NTM: variants seen among roughly 807,000 people sequenced by gnomAD.
NTM encodes IgLON family member 2.
A neutral mutation model predicts 42.1 loss-of-function variants in NTM; 13 were observed. The ratio of observed to expected loss-of-function variants is 0.31; its 90% CI spans 0.20 to 0.49. The LOEUF is 0.49. Ranked by LOEUF, NTM falls within the 20% of genes least tolerant of loss-of-function variation. The pLI is 0.99. For missense variants in NTM, 373 were observed against 452.8 expected (o/e 0.82, Z 1.60); for synonymous variants, 187 against 179.2 (o/e 1.04, Z -0.35).
chr11:131,535,038 C>T (rs930331126), intron 1 of NTM: 2 of 152,162 alleles, frequency 1.3e-5, no homozygotes, highest in Non-Finnish European at 2.9e-5. Flanking sequence ...TTGAGTTTGC[C>T]TCTCAGGTCC....
chr11:131,977,459 C>T (rs779081100), intron 2 of NTM, among the ~76,000 whole-genome samples: 18 of 152,224 alleles, frequency 1.2e-4, no homozygotes, highest in Admixed American at 1.2e-3. Context: ...CAGGCGCATA[C>T]CTCTTCCTCA....
rs1282037956 is a variant in NTM at position 132,324,587 on chromosome 11, G to T, written c.935-5566G>T. On this transcript the variant is annotated intron_variant, in intron 7 of 8. Transcript: ENST00000683400. Reference sequence around the variant, plus strand: ...AGGAAGAATCAATATCGTGAAAATGGCCATACTGCCCAAGGTAATTTACAG... The same window carrying T: ...AGGAAGAATCAATATCGTGAAAATGTCCATACTGCCCAAGGTAATTTACAG... 2.8e-3 allele frequency among the ~76,000 whole-genome samples: 416 copies of T among 149,346 alleles called. 2 individuals carry two copies. The highest frequency in any genetic ancestry group is 9.8e-3 in the African/African-American group (393 of 40,048).
At chr11:132,069,016 G>C (rs898877914) in intron 2 of NTM, among the ~76,000 whole-genome samples, 2 of 152,316 alleles carry the variant, frequency 1.3e-5, no homozygotes, top group South Asian at 2.1e-4. Flanking sequence ...TGACTAACTG[G>C]GCATTGCAGC....
chr11:132,268,668 C>CTGTGTGTGTGTGTGTGTGTGTG (rs779978929), intron 4 of NTM, among the ~76,000 whole-genome samples: 9 of 138,700 alleles, frequency 6.5e-5, no homozygotes, highest in African/African-American at 2.1e-4. Flanking sequence ...CTCTCTCTCT[C>CTGTGTGTGTGTGTGTGTGTGTG]TCTGTGTGTG....
At position 132,268,657 on chromosome 11, in the gene NTM, CCT is replaced by C. The variant is rs71870444; in HGVS notation, c.527-39019_527-39018del. The stretch of plus-strand genomic sequence containing the variant: ...TATGTGTGTGTTTGTGGTGTGGGGT[CCT>C]CTCTCTCTCTCTGTGTGTGTGTGTG... On this transcript the variant is annotated intron_variant, in intron 4 of 8. Coordinates refer to ENST00000683400, the MANE Select transcript of NTM (RefSeq NM_001352005.2). Among the ~76,000 whole-genome samples, 545 of 135,020 alleles carry C rather than the reference CCT, an allele frequency of 4.0e-3. 4 individuals carry two copies. Among genetic ancestry groups the C allele is most frequent in the African/African-American group, 9.9e-3 (373 of 37,572 alleles). 88.6% of individuals were successfully genotyped at this position (135,020 alleles called of 152,430 possible). A position where few individuals can be genotyped will look rare whatever the true frequency, so the allele number is the denominator to read the frequency against.
At chr11:131,786,647 A>G (rs773080205) in intron 1 of NTM, among the ~76,000 whole-genome samples, 34 of 152,194 alleles carry the variant, frequency 2.2e-4, no homozygotes, top group Non-Finnish European at 4.7e-4. Context: ...TGATTGTGTG[A>G]TTGATCTTTT....
At chr11:131,487,768 T>C (rs1015504342) in intron 1 of NTM, among the ~76,000 whole-genome samples, 2 of 151,812 alleles carry the variant, frequency 1.3e-5, no homozygotes, top group Non-Finnish European at 2.9e-5. Context: ...GTTTTGGAGC[T>C]GAGGGGAAGG....
At chr11:132,106,555 C>T (rs1176643102) in intron 2 of NTM, among the ~76,000 whole-genome samples, 3 of 152,226 alleles carry the variant, frequency 2.0e-5, no homozygotes, top group Admixed American at 2.0e-4. Flanking sequence ...ACAAAGTACC[C>T]AGCAGGAGGT....
intron 1 of NTM, among the ~76,000 whole-genome samples, chr11:131,766,952 C>A (rs1192030612): frequency 6.6e-6 from 1 of 152,102 alleles, no homozygotes; most frequent in Non-Finnish European, 1.5e-5. Context: ...TTCCCAGTGG[C>A]TTTGTTACCA....
chr11:131,767,601 A>G (rs2085322119), intron 1 of NTM, among the ~76,000 whole-genome samples: 1 of 152,222 alleles, frequency 6.6e-6, no homozygotes, highest in Non-Finnish European at 1.5e-5. Context: ...GAGCAATGTG[A>G]GGACACAAAG....
chr11:131,450,425 C>T (rs905058651), intron 1 of NTM, among the ~76,000 whole-genome samples: 2 of 152,168 alleles, frequency 1.3e-5, no homozygotes, highest in African/African-American at 4.8e-5. Flanking sequence ...TCTCCCTGAG[C>T]CCATTCCGCC....
intron 1 of NTM, among the ~76,000 whole-genome samples, chr11:131,789,636 A>AGAAGAGG (rs1555127949): frequency 3.2e-5 from 1 of 30,900 alleles, no homozygotes; most frequent in Admixed American, 2.7e-4. Context: ...AAGAAGAAGA[A>AGAAGAGG]AAGAAGAAGA....
At chr11:131,944,760 G>C (rs904734144) in intron 2 of NTM, among the ~76,000 whole-genome samples, 1 of 152,206 alleles carries the variant, frequency 6.6e-6, no homozygotes, top group Non-Finnish European at 1.5e-5. Flanking sequence ...ACATTTATGT[G>C]TTGGAGTATA....
chr11:131,935,315 C>A (rs1270913094), intron 2 of NTM, among the ~76,000 whole-genome samples: 2 of 152,146 alleles, frequency 1.3e-5, no homozygotes, highest in Non-Finnish European at 2.9e-5. Context: ...ACATGGACAA[C>A]CTATTTGGGA....
At chr11:132,334,547 A>C (rs617267) in intron 8 of NTM, among the ~76,000 whole-genome samples, 64,580 of 151,936 alleles carry the variant, frequency 0.43, 14,562 homozygotes, top group African/African-American at 0.56. Flanking sequence ...GTGCCCAAGG[A>C]AGCAGAAGCA....
In NTM at chr11:132,104,936, T is replaced by C. The variant is rs1376360373; in HGVS notation, c.168-41346T>C. Among the ~76,000 whole-genome samples the C allele has an allele frequency of 2.7e-3, 40 of 14,548 alleles. 1 individual carries two copies. Among genetic ancestry groups the C allele is most frequent in the African/African-American group, 0.014 (38 of 2,728 alleles). The allele number at this position is 14,548 out of a possible 152,430, so 9.5% of individuals were successfully genotyped here. A position where few individuals can be genotyped will look rare whatever the true frequency, so the allele number is the denominator to read the frequency against. On this transcript the variant is annotated intron_variant, in intron 2 of 8. Coordinates refer to ENST00000683400, the MANE Select transcript of NTM (RefSeq NM_001352005.2). ...CTCTCTCTCTCTCCATATATACATA[T>C]GTATATATATATATATATATATATA...
intron 2 of NTM, among the ~76,000 whole-genome samples, chr11:132,055,119 C>A (rs144154918): frequency 3.2e-3 from 481 of 152,298 alleles, no homozygotes; most frequent in East Asian, 0.028. Context: ...AAGGATGGGG[C>A]TGGCCTTGAG....
chr11:131,755,745 C>T (rs2083246400), intron 1 of NTM, among the ~76,000 whole-genome samples: 1 of 152,178 alleles, frequency 6.6e-6, no homozygotes, highest in African/African-American at 2.4e-5. Flanking sequence ...GGGAGCAACA[C>T]TCTATAGTGA....
At chr11:131,783,003 A>C (rs555602818) in intron 1 of NTM, among the ~76,000 whole-genome samples, 1 of 152,278 alleles carries the variant, frequency 6.6e-6, no homozygotes, top group Non-Finnish European at 1.5e-5. Flanking sequence ...TAAGAAAATG[A>C]ATAATATGTA....
Sources: allele counts gnomAD v4.1 joint callset (sites outside exome capture counted in the v4.1 genomes callset), GRCh38; gene constraint gnomAD v4.1.1; transcripts MANE v1.5; gene names NCBI Gene and HGNC (gene_info 2026-07-23, HGNC 2026-07-21).